The following PIBF1 variants were observed in gnomAD, a reference collection of about 807,000 sequenced individuals.
PIBF1 encodes the protein progesterone-induced-blocking factor 1.
PIBF1 carries 90 observed loss-of-function variants against 112.5 expected under a neutral mutation model. The observed-to-expected ratio is 0.80, with a 90% CI of 0.67 to 0.95. PIBF1 has a LOEUF of 0.95. Ranked by LOEUF, PIBF1 falls within the 40% of genes least tolerant of loss-of-function variation. The pLI is 0.00. For synonymous variants in PIBF1, 301 were observed against 288.6 expected, an observed-to-expected ratio of 1.04 and a Z score of -0.44; for missense variants, 915 against 852.3, an observed-to-expected ratio of 1.07 and a Z score of -0.92.
chr13:72,965,475 T>G (rs1490291645), intron 15 of PIBF1, 71 bp downstream of exon 15: 6 of 1,265,598 alleles, frequency 4.7e-6, no homozygotes, highest in Admixed American at 2.4e-5. Context: ...TAGGTGAATT[T>G]GGGTTGTAAA....
intron 9 of PIBF1, 48 bp downstream of exon 9, chr13:72,835,416 T>A: frequency 1.4e-6 from 2 of 1,395,592 alleles, no homozygotes; most frequent in Non-Finnish European, 1.9e-6. Context: ...TCTTTGGAGG[T>A]TTTAGAAGCT....
chr13:72,802,878 G>C (rs2035550734), intron 5 of PIBF1, among the ~76,000 whole-genome samples: 2 of 152,178 alleles, frequency 1.3e-5, no homozygotes, highest in African/African-American at 4.8e-5. Flanking sequence ...ATGTGGGAGA[G>C]AGAAGGAGGA....
At chr13:72,871,013 T>C (rs866448286) in intron 10 of PIBF1, among the ~76,000 whole-genome samples, 5 of 152,074 alleles carry the variant, frequency 3.3e-5, no homozygotes, top group African/African-American at 1.2e-4. Context: ...CAGTAATATA[T>C]GTATATATAT....
chr13:72,958,086 C>T (rs750017282), intron 14 of PIBF1, among the ~76,000 whole-genome samples: 11 of 151,632 alleles, frequency 7.3e-5, no homozygotes, highest in Non-Finnish European at 2.9e-5. Flanking sequence ...TGCCACCACA[C>T]TTCAGCCTGG....
At chr13:73,010,966 A>G (rs947098771) in intron 17 of PIBF1, among the ~76,000 whole-genome samples, 3 of 151,470 alleles carry the variant, frequency 2.0e-5, no homozygotes, top group Admixed American at 6.6e-5. Flanking sequence ...AGATGGGATT[A>G]CAGGTGCCTG....
At chr13:72,783,912 G>A (rs2034446724) in intron 2 of PIBF1, among the ~76,000 whole-genome samples, 191 bp downstream of exon 2, 1 of 152,158 alleles carries the variant, frequency 6.6e-6, no homozygotes, top group East Asian at 1.9e-4. Context: ...GGCTGGCATG[G>A]TTAGGGGTGA....
intron 17 of PIBF1, 41 bp from the exon 18 acceptor site, chr13:73,015,828 G>T: frequency 7.7e-7 from 1 of 1,291,004 alleles, no homozygotes. Context: ...TGTCCTCCTT[G>T]TAAGCATTTT....
At chr13:73,008,845 CCCTGCATGCTGAA>C (rs1237427164) in intron 17 of PIBF1, among the ~76,000 whole-genome samples, 1 of 152,156 alleles carries the variant, frequency 6.6e-6, no homozygotes, top group Non-Finnish European at 1.5e-5. Context: ...CGAGACACTT[CCCTGCATGCTGAA>C]GATACAACAT....
At chr13:72,815,032 C>T (rs958971717) in intron 5 of PIBF1, among the ~76,000 whole-genome samples, 4 of 152,148 alleles carry the variant, frequency 2.6e-5, no homozygotes, top group Non-Finnish European at 4.4e-5. Flanking sequence ...TAGATTACTG[C>T]AAATGGGTTC....
rs1358935421 is a variant in PIBF1, at chr13:72,845,335, G to C, written c.1224-8722G>C. On this transcript the variant is annotated intron_variant, in intron 9 of 17. Coordinates refer to ENST00000326291, the MANE Select transcript of PIBF1 (RefSeq NM_006346.4). ...CATGATCTCATTCCTTTTTATGGCT[G>C]TGTAGTATTCCATGGTGTATATGTA... Among the ~76,000 whole-genome samples the C allele has an allele frequency of 3.3e-5, 5 of 152,276 alleles. No homozygotes were observed. The East Asian group carries it at 9.6e-4, about 29-fold the overall frequency.
chr13:72,818,175 A>G (rs1320027574), intron 5 of PIBF1, among the ~76,000 whole-genome samples: 3 of 152,188 alleles, frequency 2.0e-5, no homozygotes, highest in Non-Finnish European at 4.4e-5. Context: ...TTTCAGAGTC[A>G]GATGATCTTT....
In PIBF1 at chr13:72,783,437, A is replaced by C; in HGVS notation, c.-33A>C. 7.0e-7 allele frequency: 1 copy of C among 1,422,522 alleles called. No individual in the cohort carries two copies. Among genetic ancestry groups the C allele is most frequent in the Non-Finnish European group, 9.7e-7 (1 of 1,028,786 alleles). The allele number at this position is 1,422,522 out of a possible 1,614,324, so 88.1% of individuals were successfully genotyped here. Reference sequence around the variant, plus strand: ...TTAACCTACAGAATATTAAAATCAAATTAGAGAAGAAAACTGATCCATAAT... The same window carrying C: ...TTAACCTACAGAATATTAAAATCAACTTAGAGAAGAAAACTGATCCATAAT... On this transcript the variant is annotated 5_prime_UTR_variant, in exon 2 of 18. Coordinates refer to ENST00000326291, the MANE Select transcript of PIBF1 (RefSeq NM_006346.4).
At chr13:72,956,687 C>T (rs965537697) in intron 14 of PIBF1, among the ~76,000 whole-genome samples, 1 of 152,192 alleles carries the variant, frequency 6.6e-6, no homozygotes, top group African/African-American at 2.4e-5. Context: ...TCTTCATCTT[C>T]TAGCCCTTAA....
At chr13:72,854,000 A>G in intron 9 of PIBF1, 57 bp from the exon 10 acceptor site, 1 of 1,279,010 alleles carries the variant, frequency 7.8e-7, no homozygotes, top group Non-Finnish European at 1.1e-6. Context: ...CATCTTTAAG[A>G]AAGAACATAG....
chr13:72,967,660 T>C, intron 15 of PIBF1, among the ~76,000 whole-genome samples: 1 of 152,210 alleles, frequency 6.6e-6, no homozygotes, highest in East Asian at 1.9e-4. Flanking sequence ...ATCATAGTGA[T>C]TAAAAGTAGC....
chr13:72,953,868 C>G (rs541619080), intron 14 of PIBF1, among the ~76,000 whole-genome samples: 11 of 152,252 alleles, frequency 7.2e-5, no homozygotes, highest in African/African-American at 2.6e-4. Context: ...AGGGCAGGCA[C>G]TCTGGGGTCT....
At position 72,879,776 on chromosome 13, in the gene PIBF1, G is replaced by T. The variant is rs549681794; in HGVS notation, c.1323-14008G>T. ...CTGCAAGCTAAGATTGGTTTGTGTG[G>T]TTTTTTTTAATTATGAGGGGGAAAT... On this transcript the variant is annotated intron_variant, in intron 10 of 17. Coordinates refer to ENST00000326291, the MANE Select transcript of PIBF1 (RefSeq NM_006346.4). 9.9e-5 allele frequency among the ~76,000 whole-genome samples: 15 copies of T among 151,982 alleles called. No individual in the cohort carries two copies. In the South Asian group the frequency reaches 2.5e-3, roughly 25 times the overall value.
chr13:72,858,339 ACTACG>A (rs2038538244), intron 10 of PIBF1, among the ~76,000 whole-genome samples: 1 of 152,220 alleles, frequency 6.6e-6, no homozygotes, highest in Non-Finnish European at 1.5e-5. Context: ...GGCGTGAGCC[ACTACG>A]CCCAGCCATA....
intron 14 of PIBF1, among the ~76,000 whole-genome samples, chr13:72,963,439 T>G (rs2042658079): frequency 6.6e-6 from 1 of 151,712 alleles, no homozygotes; most frequent in South Asian, 2.1e-4. Context: ...ACTAAAAATA[T>G]GAAAATTAGC....
Sources: gnomAD v4.1 joint callset for allele counts (sites outside exome capture counted in the v4.1 genomes callset) on GRCh38, gnomAD v4.1.1 for gene constraint, MANE v1.5 for transcripts, NCBI Gene and HGNC (gene_info 2026-07-23, HGNC 2026-07-21) for gene names.